The following CDC25C variants were observed in gnomAD, a reference collection of about 807,000 sequenced individuals.
CDC25C encodes M-phase inducer phosphatase 3.
In CDC25C, 48 loss-of-function variants were observed where a neutral mutation model predicts 52.5. The ratio of observed to expected loss-of-function variants is 0.91; its 90% CI spans 0.72 to 1.16. CDC25C has a LOEUF of 1.16. CDC25C is among the 50% of genes most tolerant of loss of function. CDC25C has a pLI of 0.00. For missense variants in CDC25C, 510 were observed against 566.1 expected, an observed-to-expected ratio of 0.90 and a Z score of 1.01; for synonymous variants, 187 against 206.5, an observed-to-expected ratio of 0.91 and a Z score of 0.81.
At chr5:138,301,118 T>C (rs1230691091) in intron 7 of CDC25C, among the ~76,000 whole-genome samples, 3 of 151,964 alleles carry the variant, frequency 2.0e-5, no homozygotes, top group Non-Finnish European at 2.9e-5. Context: ...GAGTGCAAAA[T>C]CAATGGAATA....
Position 138,319,252 on chromosome 5 carries a change from T to C in CDC25C, c.582A>G (p.Leu194=). ...EDQAEEISDE[L]MEFSLKDQEA... Reference sequence around the variant, plus strand: ...CTTGATCTTTCAGGGAAAACTCCATTAATTCATCTGAAATCTCTTCTGCCT... The same window carrying C: ...CTTGATCTTTCAGGGAAAACTCCATCAATTCATCTGAAATCTCTTCTGCCT... The change falls in exon 7 of 14, where the codon TTA becomes TTG. Residue 194 remains leucine (L), a synonymous_variant. Coordinates refer to ENST00000323760, the MANE Select transcript of CDC25C (RefSeq NM_001790.5). 1.9e-6 allele frequency: 3 copies of C among 1,613,630 alleles called. No homozygotes were observed. Among genetic ancestry groups the C allele is most frequent in the Non-Finnish European group, 2.5e-6 (3 of 1,179,746 alleles).
At chr5:138,302,684 A>G (rs1757719316) in intron 7 of CDC25C, among the ~76,000 whole-genome samples, 1 of 149,582 alleles carries the variant, frequency 6.7e-6, no homozygotes, top group South Asian at 2.2e-4. Context: ...GAGCAACAAG[A>G]GCGAAACTCC....
At chr5:138,321,626 C>T (rs1392932282) in intron 6 of CDC25C, among the ~76,000 whole-genome samples, 1 of 151,666 alleles carries the variant, frequency 6.6e-6, no homozygotes, top group African/African-American at 2.4e-5. Context: ...GTGGTGCACG[C>T]CTATAGTCCC....
chr5:138,287,285 C>G lies in CDC25C; in HGVS notation c.928-18G>C. The G allele has an allele frequency of 6.4e-7, 1 of 1,564,122 alleles. No individual in the cohort carries two copies. Among genetic ancestry groups the G allele is most frequent in the Non-Finnish European group, 8.8e-7 (1 of 1,134,898 alleles). ...GCAGCCACCTGGACAGAAACAATGA[C>G]TGAATATTCTGCTCACTGCCACTCT... On this transcript the variant is annotated intron_variant, in intron 10 of 13. Coordinates refer to ENST00000323760, the MANE Select transcript of CDC25C (RefSeq NM_001790.5).
At chr5:138,328,341 G>A (rs1250815105) in intron 4 of CDC25C, 143 bp downstream of exon 4, 2 of 656,724 alleles carry the variant, frequency 3.0e-6, no homozygotes, top group Non-Finnish European at 5.5e-6. Context: ...CTTAGAAACT[G>A]TTCAAGGTAA....
intron 7 of CDC25C, among the ~76,000 whole-genome samples, chr5:138,309,465 G>A (rs1190022160): frequency 6.6e-6 from 1 of 151,972 alleles, no homozygotes; most frequent in Admixed American, 6.6e-5. Flanking sequence ...GTTGAGGCAG[G>A]AGAATCTCTT....
At chr5:138,316,939 C>T (rs563724938) in intron 7 of CDC25C, among the ~76,000 whole-genome samples, 2 of 152,074 alleles carry the variant, frequency 1.3e-5, no homozygotes, top group African/African-American at 2.4e-5. Context: ...TACCTCGACG[C>T]AGGACAACAA....
At chr5:138,338,141 A>AGCGC in exon 1 of CDC25C, 1 of 1,289,778 alleles carries the variant, frequency 7.8e-7, no homozygotes. Context: ...CACGACACGG[A>AGCGC]GCTGCGCCCT....
At chr5:138,338,227 A>G in exon 1 of CDC25C, 1 of 1,259,504 alleles carries the variant, frequency 7.9e-7, no homozygotes. Context: ...GGTTCGCGCC[A>G]GCGCCTTTTA....
chr5:138,327,139 C>CA (rs958824973), intron 4 of CDC25C, among the ~76,000 whole-genome samples: 27 of 151,084 alleles, frequency 1.8e-4, no homozygotes, highest in African/African-American at 6.1e-4. Context: ...CCTGTAGTCC[C>CA]AGCCTCTCAG....
intron 7 of CDC25C, 113 bp from the exon 8 acceptor site, chr5:138,292,229 C>A: frequency 2.6e-6 from 2 of 767,922 alleles, no homozygotes; most frequent in Non-Finnish European, 2.1e-6. Flanking sequence ...AGATGTTAGG[C>A]CACACCCCAA....
chr5:138,314,480 G>C (rs60628770), intron 7 of CDC25C, among the ~76,000 whole-genome samples: 1,516 of 151,258 alleles, frequency 0.01, 30 homozygotes, highest in African/African-American at 0.035. Context: ...ATTTTTAGTA[G>C]AGCCAAGGTT....
At position 138,311,854 on chromosome 5, in the gene CDC25C, C is replaced by T. The variant is rs138858697; in HGVS notation, c.615+7365G>A. Reference sequence around the variant, plus strand: ...TATATAAAGAACTACAACTCAACAACAACAAAAGAAACAACTCAATTAAAA... The same window carrying T: ...TATATAAAGAACTACAACTCAACAATAACAAAAGAAACAACTCAATTAAAA... On this transcript the variant is annotated intron_variant, in intron 7 of 13. Coordinates refer to ENST00000323760, the MANE Select transcript of CDC25C (RefSeq NM_001790.5). Among the ~76,000 whole-genome samples the T allele has an allele frequency of 3.0e-3, 456 of 152,158 alleles. 6 individuals are homozygous for T. Among genetic ancestry groups the T allele is most frequent in the Middle Eastern group, 0.014 (4 of 294 alleles).
In CDC25C at chr5:138,310,292, C is replaced by T. The variant is rs565837622; in HGVS notation, c.615+8927G>A. ...TGTAGGAAGACACTTCGAACAAGTGCCATGCATGTCTACCTGATAATGCCC... is the reference window on the plus strand; with the variant it reads ...TGTAGGAAGACACTTCGAACAAGTGTCATGCATGTCTACCTGATAATGCCC... On this transcript the variant is annotated intron_variant, in intron 7 of 13. Transcript: ENST00000323760. Among the ~76,000 whole-genome samples the T allele has an allele frequency of 3.3e-5, 5 of 152,314 alleles. No individual in the cohort carries two copies. In the South Asian group the frequency reaches 8.3e-4, roughly 25 times the overall value.
intron 7 of CDC25C, among the ~76,000 whole-genome samples, chr5:138,303,332 A>T (rs1209284762): frequency 6.6e-6 from 1 of 152,190 alleles, no homozygotes; most frequent in East Asian, 1.9e-4. Flanking sequence ...AAAATTGGTA[A>T]TATAGGAGTG....
chr5:138,329,146 G>T (rs552839092), intron 3 of CDC25C, among the ~76,000 whole-genome samples: 3 of 152,156 alleles, frequency 2.0e-5, no homozygotes, highest in African/African-American at 7.2e-5. Flanking sequence ...CTCGTGACCC[G>T]CCCGCCTTGC....
At chr5:138,322,617 A>G (rs963803499) in intron 6 of CDC25C, among the ~76,000 whole-genome samples, 11 of 151,418 alleles carry the variant, frequency 7.3e-5, no homozygotes, top group Admixed American at 6.6e-4. Flanking sequence ...CTGGGACTAC[A>G]GGCACCCGCC....
In CDC25C at chr5:138,290,685, A is replaced by G; in HGVS notation, c.818T>C (p.Leu273Pro). ...GTGCCCCTGGTTAGAATCTTCCTCC[A>G]GCATCTGAGTGATAGTAATGTCACA... The part of the protein sequence containing the change: ...SLCDITITQM[L>P]EEDSNQGHLI... Residue 273 changes from leucine to proline, a missense_variant, in exon 9 of 14, where the codon CTG becomes CCG. Transcript: ENST00000323760. The G allele has an allele frequency of 6.2e-7, 1 of 1,613,008 alleles. No individual in the cohort carries two copies. Among genetic ancestry groups the G allele is most frequent in the Non-Finnish European group, 8.5e-7 (1 of 1,178,966 alleles).
chr5:138,310,561 T>TC (rs1247664829), intron 7 of CDC25C, among the ~76,000 whole-genome samples: 12 of 152,358 alleles, frequency 7.9e-5, no homozygotes, highest in Admixed American at 5.9e-4. Context: ...GCACTTACAC[T>TC]ACACAATAAT....
Sources: gnomAD v4.1 joint callset for allele counts (sites outside exome capture counted in the v4.1 genomes callset) on GRCh38, gnomAD v4.1.1 for gene constraint, MANE v1.5 for transcripts, NCBI Gene and HGNC (gene_info 2026-07-23, HGNC 2026-07-21) for gene names.